The following COL23A1 variants were observed in gnomAD, a reference collection of about 807,000 sequenced individuals.
COL23A1 encodes the protein collagen alpha-1(XXIII) chain.
Under a neutral mutation model 99.3 loss-of-function variants are expected in COL23A1, and 97 were observed. That is an observed-to-expected ratio of 0.98 (90% CI 0.83 to 1.16). COL23A1 has a LOEUF of 1.16. COL23A1 is among the 50% of genes most tolerant of loss of function. COL23A1 has a pLI of 0.00. For missense variants in COL23A1, 762 were observed against 757.4 expected (o/e 1.01, Z -0.07); for synonymous variants, 320 against 308.2 (o/e 1.04, Z -0.40).
chr5:178,492,773 T>G (rs1394358556), intron 2 of COL23A1, among the ~76,000 whole-genome samples: 4 of 151,664 alleles, frequency 2.6e-5, no homozygotes, highest in Non-Finnish European at 5.9e-5. Flanking sequence ...TCCTGAGAGG[T>G]GTCTGGCCTG....
At chr5:178,268,795 G>T (rs778366481) in intron 6 of COL23A1, 39 bp from the exon 7 acceptor site, 4 of 1,588,108 alleles carry the variant, frequency 2.5e-6, no homozygotes, top group Non-Finnish European at 3.4e-6. Flanking sequence ...ACCTGAGTGA[G>T]GGGCCTAGGC....
At chr5:178,580,364 T>C (rs564756916) in intron 1 of COL23A1, among the ~76,000 whole-genome samples, 60 of 150,384 alleles carry the variant, frequency 4.0e-4, no homozygotes, top group African/African-American at 1.4e-3. Context: ...CTAGAGGACA[T>C]GTGAATCCTC....
chr5:178,440,245 C>T (rs912770574), intron 2 of COL23A1, among the ~76,000 whole-genome samples: 14 of 152,206 alleles, frequency 9.2e-5, no homozygotes, highest in Non-Finnish European at 1.8e-4. Context: ...ACCCAATGTG[C>T]TCCACCATCT....
intron 5 of COL23A1, among the ~76,000 whole-genome samples, chr5:178,282,602 T>A (rs1005135413): frequency 7.9e-5 from 12 of 152,222 alleles, no homozygotes; most frequent in African/African-American, 2.7e-4. Context: ...GCAGGCCGTG[T>A]GTCTCAGCTA....
chr5:178,549,910 C>T (rs866842784), intron 2 of COL23A1, among the ~76,000 whole-genome samples: 3 of 152,032 alleles, frequency 2.0e-5, no homozygotes, highest in Non-Finnish European at 4.4e-5. Context: ...CTAGATGAAA[C>T]GGACATCAGT....
chr5:178,543,091 T>C (rs1029714237), intron 2 of COL23A1, among the ~76,000 whole-genome samples: 3 of 151,696 alleles, frequency 2.0e-5, no homozygotes, highest in African/African-American at 4.8e-5. Flanking sequence ...TGAGATCCTT[T>C]TGAGAGCATA....
intron 2 of COL23A1, among the ~76,000 whole-genome samples, chr5:178,339,692 C>G (rs555060073): frequency 6.6e-6 from 1 of 152,190 alleles, no homozygotes; most frequent in African/African-American, 2.4e-5. Flanking sequence ...AATCTGCCAG[C>G]GCCTCAGTGG....
At chr5:178,383,767 T>C (rs1763511527) in intron 2 of COL23A1, among the ~76,000 whole-genome samples, 1 of 151,998 alleles carries the variant, frequency 6.6e-6, no homozygotes, top group African/African-American at 2.4e-5. Context: ...CATCCTTAAA[T>C]GGCCTGCAGG....
intron 2 of COL23A1, among the ~76,000 whole-genome samples, chr5:178,512,498 G>C (rs944630529): frequency 2.0e-5 from 3 of 152,198 alleles, no homozygotes; most frequent in Non-Finnish European, 4.4e-5. Context: ...GCAAGGGAGA[G>C]AGACAGATAC....
At chr5:178,356,394 G>A (rs976100935) in intron 2 of COL23A1, among the ~76,000 whole-genome samples, 1 of 152,090 alleles carries the variant, frequency 6.6e-6, no homozygotes, top group Non-Finnish European at 1.5e-5. Context: ...AAGGCAAGGC[G>A]CAGCACAGGG....
chr5:178,245,300 TCATC>T (rs144926160), intron 25 of COL23A1, among the ~76,000 whole-genome samples: 20,257 of 132,850 alleles, frequency 0.15, 1,791 homozygotes, highest in African/African-American at 0.26. Context: ...ACTGCCATCA[TCATC>T]CATCCATCCA....
intron 2 of COL23A1, among the ~76,000 whole-genome samples, chr5:178,508,836 G>T (rs1759030520): frequency 6.6e-6 from 1 of 152,158 alleles, no homozygotes; most frequent in Non-Finnish European, 1.5e-5. Context: ...CATTCCTTGT[G>T]TCCCAGGGTC....
intron 2 of COL23A1, among the ~76,000 whole-genome samples, chr5:178,553,366 G>C (rs550686139): frequency 6.6e-6 from 1 of 152,064 alleles, no homozygotes; most frequent in African/African-American, 2.4e-5. Context: ...TGCTTTCTAC[G>C]GTCCTAAGTG....
intron 2 of COL23A1, among the ~76,000 whole-genome samples, chr5:178,454,323 G>A (rs923974001): frequency 6.6e-6 from 1 of 152,208 alleles, no homozygotes; most frequent in African/African-American, 2.4e-5. Flanking sequence ...AAGCAACTCA[G>A]ATCAAAAAGT....
chr5:178,564,757 G>C (rs540225018), intron 1 of COL23A1, among the ~76,000 whole-genome samples: 84 of 152,264 alleles, frequency 5.5e-4, no homozygotes, highest in African/African-American at 1.9e-3. Context: ...ACGATCTGTC[G>C]GGGCACTAGT....
intron 2 of COL23A1, among the ~76,000 whole-genome samples, chr5:178,311,892 G>A (rs1433496628): frequency 1.3e-5 from 2 of 151,970 alleles, no homozygotes; most frequent in Non-Finnish European, 2.9e-5. Flanking sequence ...CACCATGCCT[G>A]GCTAATTTTT....
intron 2 of COL23A1, among the ~76,000 whole-genome samples, chr5:178,537,976 C>T (rs902104114): frequency 6.6e-6 from 1 of 152,218 alleles, no homozygotes; most frequent in Admixed American, 6.5e-5. Context: ...TGGAATCACA[C>T]AGTATCCGTC....
At chr5:178,324,943 ACTGT>A (rs1365723638) in intron 2 of COL23A1, among the ~76,000 whole-genome samples, 1 of 151,964 alleles carries the variant, frequency 6.6e-6, no homozygotes, top group Non-Finnish European at 1.5e-5. Context: ...CTTCTACATC[ACTGT>A]CTGCACGCTG....
Position 178,255,168 on chromosome 5 carries a change from G to T in COL23A1, c.883-142C>A. 1.5e-6 allele frequency: 1 copy of T among 683,082 alleles called. No homozygotes were observed. Among genetic ancestry groups the T allele is most frequent in the South Asian group, 1.7e-5 (1 of 59,598 alleles). 42.3% of individuals were successfully genotyped at this position (683,082 alleles called of 1,614,324 possible). ...AGGCTGCACGCATGCCCCTCCCCAG[G>T]GTGGATGGAGGGAACGGGAGGCAGG... On this transcript the variant is annotated intron_variant, in intron 15 of 28. Coordinates refer to ENST00000390654, the MANE Select transcript of COL23A1 (RefSeq NM_173465.4). This position sits in a 1 kb window ranked among gnomAD's most constrained non-coding sequence, Gnocchi z 4.2.
Sources: allele counts gnomAD v4.1 joint callset (sites outside exome capture counted in the v4.1 genomes callset), GRCh38; gene constraint gnomAD v4.1.1; non-coding constraint Gnocchi (gnomAD v3.1); transcripts MANE v1.5; gene names NCBI Gene and HGNC (gene_info 2026-07-23, HGNC 2026-07-21).